Variants in ADAM17 observed in about 807,000 individuals in gnomAD.
The protein encoded by ADAM17 is disintegrin and metalloproteinase domain-containing protein 17.
A neutral mutation model predicts 96.7 loss-of-function variants in ADAM17; 39 were observed. The ratio of observed to expected loss-of-function variants is 0.40; its 90% CI spans 0.31 to 0.53. ADAM17 has a LOEUF of 0.53. ADAM17 is among the 20% of genes least tolerant of loss of function. The pLI, the probability that ADAM17 is intolerant of heterozygous loss-of-function variation, is 0.44. For synonymous variants in ADAM17, 344 were observed against 359.2 expected (o/e 0.96, Z 0.48); for missense variants, 777 against 1,013.2 (o/e 0.77, Z 3.17).
intron 12 of ADAM17, among the ~76,000 whole-genome samples, chr2:9,503,094 C>G (rs986299133): frequency 6.8e-6 from 1 of 147,682 alleles, no homozygotes. Flanking sequence ...GAGCCAAGAT[C>G]GCGCCACTGC....
At chr2:9,490,545 G>C in intron 18 of ADAM17, 27 bp from the exon 19 acceptor site, 1 of 1,589,982 alleles carries the variant, frequency 6.3e-7, no homozygotes, top group East Asian at 2.3e-5. Flanking sequence ...TCAATTGATT[G>C]ATAGGAATAA....
intron 1 of ADAM17, among the ~76,000 whole-genome samples, chr2:9,554,966 T>C (rs771014120): frequency 1.3e-5 from 2 of 152,084 alleles, no homozygotes; most frequent in African/African-American, 4.8e-5. Context: ...AGAACGTGCT[T>C]AGGATGTTCG....
At chr2:9,533,032 T>G (rs1370068169) in intron 4 of ADAM17, among the ~76,000 whole-genome samples, 2 of 151,548 alleles carry the variant, frequency 1.3e-5, no homozygotes, top group East Asian at 3.9e-4. Context: ...CTACTAAAAC[T>G]ACAAAAATTA....
chr2:9,532,698 G>A (rs929122049), intron 4 of ADAM17, among the ~76,000 whole-genome samples: 1 of 145,714 alleles, frequency 6.9e-6, no homozygotes, highest in Non-Finnish European at 1.5e-5. Context: ...ATATTGCCTG[G>A]GCTGGTCTCA....
chr2:9,547,314 A>G (rs985251948), intron 1 of ADAM17, among the ~76,000 whole-genome samples: 1 of 152,198 alleles, frequency 6.6e-6, no homozygotes, highest in Non-Finnish European at 1.5e-5. Flanking sequence ...TAAGGATACA[A>G]CACAGAGAAA....
At chr2:9,527,307 C>CAA (rs544826535) in intron 5 of ADAM17, among the ~76,000 whole-genome samples, 41 of 111,822 alleles carry the variant, frequency 3.7e-4, no homozygotes, top group African/African-American at 1.3e-3. Context: ...CAAAACAAAA[C>CAA]AAAAAACCTA....
chr2:9,515,764 A>C (rs563846475), intron 10 of ADAM17, among the ~76,000 whole-genome samples: 2 of 151,914 alleles, frequency 1.3e-5, no homozygotes, highest in African/African-American at 4.8e-5. Flanking sequence ...AAAAAGAAAA[A>C]GAAAAGAAAC....
chr2:9,518,048 C>A, intron 9 of ADAM17, 55 bp downstream of exon 9: 1 of 1,569,192 alleles, frequency 6.4e-7, no homozygotes, highest in Non-Finnish European at 8.6e-7. Context: ...ATAATATAAT[C>A]CAATCATCTT....
intron 13 of ADAM17, 69 bp from the exon 14 acceptor site, chr2:9,497,317 A>G: frequency 1.3e-6 from 2 of 1,582,452 alleles, no homozygotes; most frequent in East Asian, 4.5e-5. Flanking sequence ...GGTGCATAAT[A>G]CGCTGTTTCT....
Position 9,490,076 on chromosome 2 carries a change from A to C in ADAM17, c.*101T>G, listed in dbSNP as rs1009815188. 2.6e-6 allele frequency: 3 copies of C among 1,133,336 alleles called. No homozygotes were observed. The highest frequency in any genetic ancestry group is 1.6e-5 in the African/African-American group (1 of 63,850). 70.2% of individuals were successfully genotyped at this position (1,133,336 alleles called of 1,614,324 possible). Reference sequence around the variant, plus strand: ...TCAAACACATGACCAGCATCTGCTAAGTCACTTCCCAGTCTTCACAAAATA... The same window carrying C: ...TCAAACACATGACCAGCATCTGCTACGTCACTTCCCAGTCTTCACAAAATA... On this transcript the variant is annotated 3_prime_UTR_variant, in exon 19 of 19. Coordinates refer to ENST00000310823, the MANE Select transcript of ADAM17 (RefSeq NM_003183.6).
At chr2:9,534,723 T>C (rs34137501) in intron 4 of ADAM17, among the ~76,000 whole-genome samples, 1 of 151,982 alleles carries the variant, frequency 6.6e-6, no homozygotes, top group Non-Finnish European at 1.5e-5. Context: ...AAAAAAAAAT[T>C]TGGAAGGATG....
chr2:9,545,743 T>A (rs1472930172), intron 1 of ADAM17, among the ~76,000 whole-genome samples: 1 of 152,170 alleles, frequency 6.6e-6, no homozygotes, highest in Non-Finnish European at 1.5e-5. Flanking sequence ...GTTGTAACAC[T>A]TCCAAAGACA....
intron 2 of ADAM17, among the ~76,000 whole-genome samples, chr2:9,540,103 G>C (rs988922997): frequency 6.6e-6 from 1 of 152,182 alleles, no homozygotes; most frequent in African/African-American, 2.4e-5. Context: ...AGAGAAATAT[G>C]TAAGGCTATG....
At chr2:9,515,695 T>C (rs143658650) in intron 10 of ADAM17, among the ~76,000 whole-genome samples, 3,910 of 147,880 alleles carry the variant, frequency 0.026, 183 homozygotes, top group African/African-American at 0.091. Context: ...GATGGCGCCA[T>C]TGCACTCCAG....
At chr2:9,519,636 G>A (rs1572929474) in intron 8 of ADAM17, among the ~76,000 whole-genome samples, 1 of 152,110 alleles carries the variant, frequency 6.6e-6, no homozygotes, top group African/African-American at 2.4e-5. Context: ...GGGCCCTTAA[G>A]GAGGTAATTA....
intron 4 of ADAM17, among the ~76,000 whole-genome samples, chr2:9,531,082 C>T (rs1024621464): frequency 5.9e-5 from 9 of 152,100 alleles, no homozygotes; most frequent in East Asian, 1.9e-4. Flanking sequence ...CTAGGCCTCC[C>T]GAGCAGTTGG....
chr2:9,500,092 G>GATAA (rs1040233716), intron 13 of ADAM17, among the ~76,000 whole-genome samples: 2 of 37,292 alleles, frequency 5.4e-5, no homozygotes, highest in Non-Finnish European at 1.8e-4. Context: ...AAAACTCATA[G>GATAA]ATAAATGTTC....
intron 4 of ADAM17, among the ~76,000 whole-genome samples, chr2:9,529,023 CA>C (rs2125028354): frequency 6.6e-6 from 1 of 152,280 alleles, no homozygotes; most frequent in African/African-American, 2.4e-5. Flanking sequence ...AAATGTCCAT[CA>C]ACAACTAATC....
intron 18 of ADAM17, 79 bp downstream of exon 18, chr2:9,491,022 G>A (rs770292932): frequency 2.6e-4 from 346 of 1,305,810 alleles, no homozygotes; most frequent in Non-Finnish European, 3.4e-4. Flanking sequence ...GAAAGCTCTT[G>A]CTGGGTCAGG....
Sources: allele counts gnomAD v4.1 joint callset (sites outside exome capture counted in the v4.1 genomes callset), GRCh38; gene constraint gnomAD v4.1.1; transcripts MANE v1.5; gene names NCBI Gene and HGNC (gene_info 2026-07-23, HGNC 2026-07-21).